SLC34A2: variants seen among roughly 807,000 people sequenced by gnomAD.
The protein encoded by SLC34A2 is sodium-dependent phosphate transport protein 2B.
A neutral mutation model predicts 50.8 loss-of-function variants in SLC34A2; 41 were observed. That is an observed-to-expected ratio of 0.81 (90% CI 0.63 to 1.05). SLC34A2 has a LOEUF of 1.05. Among genes scored for constraint, SLC34A2 ranks in the 50% least tolerant of loss-of-function variants. SLC34A2 has a pLI of 0.00. For synonymous variants in SLC34A2, 401 were observed against 364.2 expected (o/e 1.10, Z -1.15); for missense variants, 879 against 876.7 (o/e 1.00, Z -0.03).
Position 25,671,625 on chromosome 4 carries a change from T to C in SLC34A2, c.952T>C (p.Ser318Pro). Residue 318 changes from serine (S) to proline (P), a missense_variant, in exon 9 of 13, where the codon TCG (serine) becomes CCG (proline). Ser to Pro is a moderately conservative substitution (Grantham distance 74). Transcript: ENST00000382051. ...NKTQINVTVP[S>P]TANCTSPSLC... ...GACCCAGATTAACGTCACTGTTCCCTCGACTGCTAACTGCACCTCCCCTTC... is the reference window on the plus strand; with the variant it reads ...GACCCAGATTAACGTCACTGTTCCCCCGACTGCTAACTGCACCTCCCCTTC... 14 of 1,614,112 alleles carry C rather than the reference T, an allele frequency of 8.7e-6. No individual in the cohort carries two copies. The highest frequency in any genetic ancestry group is 1.2e-5 in the Non-Finnish European group (14 of 1,179,992).
chr4:25,665,763 A>G lies in SLC34A2; in HGVS notation c.380-365A>G, dbSNP rs150551867. Among the ~76,000 whole-genome samples the G allele has an allele frequency of 3.2e-3, 489 of 152,262 alleles. 6 individuals are homozygous for G. Among genetic ancestry groups the G allele is most frequent in the African/African-American group, 0.011 (448 of 41,554 alleles). On this transcript the variant is annotated intron_variant, in intron 4 of 12. Coordinates refer to ENST00000382051, the MANE Select transcript of SLC34A2 (RefSeq NM_006424.3). The stretch of plus-strand genomic sequence containing the variant: ...AGGCTCATTGGAACCCACTGGTCCC[A>G]GTATGGAGTTGAGGCTGGGTTCCTG...
At chr4:25,655,911 AG>A (rs1443450694) in intron 1 of SLC34A2, 21 bp downstream of exon 1, 1 of 152,272 alleles carries the variant, frequency 6.6e-6, no homozygotes. Flanking sequence ...CCGCCGGGGC[AG>A]GGGCGCTTCC....
chr4:25,678,214 G>A lies in SLC34A2; in HGVS notation c.*1465G>A, dbSNP rs1715253643. The A allele has an allele frequency of 6.6e-6, 1 of 152,666 alleles. No homozygotes were observed. The highest frequency in any genetic ancestry group is 1.5e-5 in the Non-Finnish European group (1 of 68,174). 9.5% of individuals were successfully genotyped at this position (152,666 alleles called of 1,614,324 possible). A position where few individuals can be genotyped will look rare whatever the true frequency, so the allele number is the denominator to read the frequency against. On this transcript the variant is annotated 3_prime_UTR_variant, in exon 13 of 13. Coordinates refer to ENST00000382051, the MANE Select transcript of SLC34A2 (RefSeq NM_006424.3). ...ACCATCCCAGCAAGTCAGGATATCA[G>A]ACAGTCCTCCCCTGACCCTCCCCCT...
chr4:25,664,544 A>C (rs998683910), intron 4 of SLC34A2, among the ~76,000 whole-genome samples: 2 of 152,244 alleles, frequency 1.3e-5, no homozygotes, highest in South Asian at 2.1e-4. Flanking sequence ...CAGGTGGCTT[A>C]GGCCAGGAGC....
chr4:25,660,110 A>T (rs1714100519), intron 1 of SLC34A2, among the ~76,000 whole-genome samples: 1 of 152,210 alleles, frequency 6.6e-6, no homozygotes, highest in Non-Finnish European at 1.5e-5. Context: ...TAGAGCAGCA[A>T]ATATCTTTTT....
Sources: gnomAD v4.1 joint callset for allele counts (sites outside exome capture counted in the v4.1 genomes callset) on GRCh38, gnomAD v4.1.1 for gene constraint, MANE v1.5 for transcripts, NCBI Gene and HGNC (gene_info 2026-07-23, HGNC 2026-07-21) for gene names.